IL34: variants seen among roughly 807,000 people sequenced by gnomAD.
The protein encoded by IL34 is interleukin 34.
A neutral mutation model predicts 25.3 loss-of-function variants in IL34; 17 were observed. That is an observed-to-expected ratio of 0.67 (90% CI 0.46 to 1.01). IL34 has a LOEUF of 1.01. Ranked by LOEUF, IL34 falls within the 50% of genes least tolerant of loss-of-function variation. The probability of loss-of-function intolerance (pLI) is 0.00; values close to 1 mark genes in which losing one functional copy is unlikely to be tolerated. For synonymous variants in IL34, 174 were observed against 140.9 expected (o/e 1.23, Z -1.66); for missense variants, 368 against 312.9 (o/e 1.18, Z -1.33).
At chr16:70,602,104 C>T (rs2050926659) in intron 1 of IL34, among the ~76,000 whole-genome samples, 1 of 152,212 alleles carries the variant, frequency 6.6e-6, no homozygotes, top group Admixed American at 6.5e-5. Context: ...TCTGAAGTTG[C>T]AGGACTCAGG....
intron 1 of IL34, among the ~76,000 whole-genome samples, chr16:70,618,432 C>T (rs893740318): frequency 5.9e-5 from 9 of 151,826 alleles, no homozygotes; most frequent in African/African-American, 1.5e-4. Context: ...CTGAAGGAGC[C>T]GGGAAGCAGA....
chr16:70,644,305 A>T (rs1444871942), upstream of IL34, among the ~76,000 whole-genome samples: 1 of 152,012 alleles, frequency 6.6e-6, no homozygotes, highest in Non-Finnish European at 1.5e-5. Context: ...GCCTCAACTG[A>T]TTCACCCGCC....
intron 2 of IL34, among the ~76,000 whole-genome samples, chr16:70,655,104 G>A (rs2052182049): frequency 6.6e-6 from 1 of 151,616 alleles, no homozygotes; most frequent in Non-Finnish European, 1.5e-5. Context: ...CCAGGCTGGA[G>A]TGCAGTGGCT....
At chr16:70,605,939 T>C (rs1045247629) in intron 1 of IL34, among the ~76,000 whole-genome samples, 1 of 149,334 alleles carries the variant, frequency 6.7e-6, no homozygotes, top group Middle Eastern at 3.2e-3. Flanking sequence ...CCCAAAGTGC[T>C]GGGATTACAG....
At chr16:70,607,439 A>T (rs549976230) in intron 1 of IL34, among the ~76,000 whole-genome samples, 118 of 152,324 alleles carry the variant, frequency 7.7e-4, no homozygotes, top group South Asian at 2.5e-3. Flanking sequence ...TCATCTGGGA[A>T]TAAAGATAGT....
chr16:70,598,387 C>T (rs1339060790), intron 1 of IL34, among the ~76,000 whole-genome samples: 1 of 152,076 alleles, frequency 6.6e-6, no homozygotes, highest in Admixed American at 6.6e-5. Flanking sequence ...CCTCAGGCCG[C>T]GCCCCTGCTC....
chr16:70,632,275 G>A (rs1356798652), intron 1 of IL34, among the ~76,000 whole-genome samples: 7 of 152,104 alleles, frequency 4.6e-5, no homozygotes, highest in African/African-American at 1.4e-4. Context: ...AGCATTCAGC[G>A]GCCATTTCTG....
At chr16:70,583,706 G>T (rs904397664) in intron 1 of IL34, among the ~76,000 whole-genome samples, 1 of 151,992 alleles carries the variant, frequency 6.6e-6, no homozygotes, top group Non-Finnish European at 1.5e-5. Flanking sequence ...AGGCTGGAGT[G>T]CAGTGGTGTG....
chr16:70,607,317 G>A (rs1046206231), intron 1 of IL34, among the ~76,000 whole-genome samples: 1 of 152,154 alleles, frequency 6.6e-6, no homozygotes, highest in Non-Finnish European at 1.5e-5. Context: ...TGTTAGCCAG[G>A]ATGGTCGTGA....
intron 1 of IL34, among the ~76,000 whole-genome samples, chr16:70,586,384 C>T (rs1055492260): frequency 2.6e-5 from 4 of 152,104 alleles, no homozygotes; most frequent in African/African-American, 9.7e-5. Flanking sequence ...GCCTGGGCAA[C>T]ATGGAAAGAC....
chr16:70,656,322 C>A (rs931872032), intron 2 of IL34, among the ~76,000 whole-genome samples: 2 of 152,136 alleles, frequency 1.3e-5, no homozygotes, highest in Non-Finnish European at 2.9e-5. Flanking sequence ...GATTCAAGAC[C>A]AGCCTGGGCA....
At chr16:70,591,874 T>G (rs1321353458) in intron 1 of IL34, among the ~76,000 whole-genome samples, 1 of 152,216 alleles carries the variant, frequency 6.6e-6, no homozygotes, top group Non-Finnish European at 1.5e-5. Flanking sequence ...GGGGCTGGGC[T>G]GGGGCCAGGC....
At chr16:70,641,742 T>G (rs1009794097), upstream of IL34, among the ~76,000 whole-genome samples, 1 of 151,932 alleles carries the variant, frequency 6.6e-6, no homozygotes, top group African/African-American at 2.4e-5. Context: ...AATTTTTGTA[T>G]TTTTTGTAGA....
intron 1 of IL34, among the ~76,000 whole-genome samples, chr16:70,607,188 A>G (rs898082582): frequency 2.6e-5 from 4 of 151,598 alleles, no homozygotes; most frequent in African/African-American, 9.7e-5. Context: ...TGCAAGCTCT[A>G]CCTCCTGGGT....
At chr16:70,581,220 A>C (rs1202157520) in intron 1 of IL34, among the ~76,000 whole-genome samples, 1 of 152,060 alleles carries the variant, frequency 6.6e-6, no homozygotes, top group African/African-American at 2.4e-5. Context: ...CCAACTTTGC[A>C]CTTACTTTTA....
At chr16:70,598,947 G>A (rs1172146230) in intron 1 of IL34, among the ~76,000 whole-genome samples, 1 of 152,188 alleles carries the variant, frequency 6.6e-6, no homozygotes, top group African/African-American at 2.4e-5. Context: ...TTACATTAAA[G>A]TAGAATCACA....
intron 1 of IL34, among the ~76,000 whole-genome samples, chr16:70,629,902 A>G (rs191791716): frequency 2.0e-5 from 3 of 152,266 alleles, no homozygotes; most frequent in Non-Finnish European, 4.4e-5. Flanking sequence ...GTACAATTAC[A>G]TTATTGACTC....
At chr16:70,603,067 A>G (rs769269171) in intron 1 of IL34, among the ~76,000 whole-genome samples, 6 of 151,882 alleles carry the variant, frequency 4.0e-5, no homozygotes, top group Non-Finnish European at 8.8e-5. Context: ...AGCATCTCCT[A>G]TGTGGCCACC....
chr16:70,593,835 A>G (rs1344565002), intron 1 of IL34, among the ~76,000 whole-genome samples: 1 of 151,898 alleles, frequency 6.6e-6, no homozygotes, highest in Non-Finnish European at 1.5e-5. Context: ...CAATATCTAG[A>G]TTTTTTTCTT....
Sources: gnomAD v4.1 joint callset for allele counts (sites outside exome capture counted in the v4.1 genomes callset) on GRCh38, gnomAD v4.1.1 for gene constraint, MANE v1.5 for transcripts, NCBI Gene and HGNC (gene_info 2026-07-23, HGNC 2026-07-21) for gene names.